Variants in CABIN1 observed in about 807,000 individuals in gnomAD.
The protein encoded by CABIN1 is calcineurin-binding protein cabin-1.
A neutral mutation model predicts 227.7 loss-of-function variants in CABIN1; 133 were observed. That is an observed-to-expected ratio of 0.58 (90% confidence interval 0.51 to 0.67). CABIN1 has a LOEUF of 0.67. CABIN1 is among the 30% of genes least tolerant of loss of function. CABIN1 has a pLI of 0.00. For missense variants in CABIN1, 2,408 were observed against 2,852.5 expected, an observed-to-expected ratio of 0.84 and a Z score of 3.55; for synonymous variants, 1,086 against 1,155.1, an observed-to-expected ratio of 0.94 and a Z score of 1.21.
intron 28 of CABIN1, among the ~76,000 whole-genome samples, chr22:24,131,394 G>GC (rs1289495110): frequency 2.6e-5 from 4 of 152,202 alleles, no homozygotes; most frequent in African/African-American, 9.7e-5. Flanking sequence ...GGAGTGGTCT[G>GC]CCACAGCATT....
At chr22:24,102,150 A>G (rs572204760) in intron 26 of CABIN1, 1 of 152,428 alleles carries the variant, frequency 6.6e-6, no homozygotes, top group East Asian at 1.9e-4. Flanking sequence ...GACACTAGGA[A>G]GGCCCTGTGG....
chr22:24,020,604 C>T (rs1433425937), intron 1 of CABIN1, among the ~76,000 whole-genome samples: 1 of 152,230 alleles, frequency 6.6e-6, no homozygotes. Flanking sequence ...TCATGAGCCA[C>T]CATGTCTGTC....
chr22:24,132,217 C>A (rs1330021257), intron 28 of CABIN1, among the ~76,000 whole-genome samples: 1 of 152,224 alleles, frequency 6.6e-6, no homozygotes, highest in Non-Finnish European at 1.5e-5. Flanking sequence ...TGGCTGAGCA[C>A]TGATGCAGGT....
rs528073328 is a variant in CABIN1, at chr22:24,091,730, G to A, written c.3673G>A (p.Val1225Ile). ...TGAGAAGCAGCAGCAGCCACCCACC[G>A]TTTACTTGCTGCACTACAGGCAGGC... ...VAEKQQQPPTVYLLHYRQAGH... is the reference protein window; with the variant it reads ...VAEKQQQPPTIYLLHYRQAGH... The change falls in exon 24 of 37, where the codon GTT becomes ATT. Residue 1225 changes from valine (V) to isoleucine (I), a missense_variant. Val to Ile is a conservative substitution (Grantham distance 29). Around this residue, in one of 3 missense-constraint regions of CABIN1, gnomAD observed 649 missense variants for 910.3 expected, o/e 0.71. Transcript: ENST00000263119. The A allele has an allele frequency of 2.2e-5, 35 of 1,614,136 alleles. No homozygotes were observed. The highest frequency in any genetic ancestry group is 8.9e-5 in the East Asian group (4 of 44,878).
At chr22:24,132,771 A>G (rs771886522) in intron 28 of CABIN1, among the ~76,000 whole-genome samples, 12 of 152,088 alleles carry the variant, frequency 7.9e-5, no homozygotes, top group Non-Finnish European at 1.5e-4. Flanking sequence ...TATTTTTAGT[A>G]GAGATGGGGC....
chr22:24,056,103 T>A lies in CABIN1; in HGVS notation c.1094-89T>A. ...GTCAAAGAGTTTAATGCTAGTAGAT[T>A]TATAAAAGAGGGAGATTGATGTGTC... On this transcript the variant is annotated intron_variant, in intron 9 of 36. Transcript: ENST00000263119. 4.4e-6 allele frequency: 5 copies of A among 1,132,822 alleles called. No homozygotes were observed. In the South Asian group the frequency reaches 5.1e-5, roughly 11 times the overall value. 70.2% of individuals were successfully genotyped at this position (1,132,822 alleles called of 1,614,324 possible). A position where few individuals can be genotyped will look rare whatever the true frequency, so the allele number is the denominator to read the frequency against.
chr22:24,176,576 C>T (rs1242423310), intron 35 of CABIN1, among the ~76,000 whole-genome samples: 1 of 152,152 alleles, frequency 6.6e-6, no homozygotes, highest in Non-Finnish European at 1.5e-5. Flanking sequence ...TGCTTGGGCC[C>T]ACTGCAGAAC....
At chr22:24,021,996 G>T (rs751407334) in intron 1 of CABIN1, among the ~76,000 whole-genome samples, 1 of 152,096 alleles carries the variant, frequency 6.6e-6, no homozygotes, top group Admixed American at 6.5e-5. Context: ...GCATATTCTT[G>T]ACTGTCATAT....
chr22:24,118,404 C>G (rs1040424429), intron 27 of CABIN1, among the ~76,000 whole-genome samples: 6 of 152,168 alleles, frequency 3.9e-5, no homozygotes, highest in Admixed American at 6.5e-5. Context: ...ATGCGGAGAA[C>G]TGGGGGCCTT....
intron 34 of CABIN1, among the ~76,000 whole-genome samples, chr22:24,172,725 A>G (rs1297320555): frequency 6.6e-6 from 1 of 152,182 alleles, no homozygotes; most frequent in Non-Finnish European, 1.5e-5. Context: ...GGGGATGTAG[A>G]GGCAGCGCTG....
chr22:24,024,511 G>T (rs1417817014), intron 1 of CABIN1, among the ~76,000 whole-genome samples: 2 of 152,142 alleles, frequency 1.3e-5, no homozygotes, highest in Non-Finnish European at 2.9e-5. Flanking sequence ...CTTTGAATGT[G>T]TACTTCTTAG....
At chr22:24,147,160 G>T (rs1343093634) in intron 29 of CABIN1, among the ~76,000 whole-genome samples, 1 of 152,174 alleles carries the variant, frequency 6.6e-6, no homozygotes, top group Non-Finnish European at 1.5e-5. Flanking sequence ...GCATTTTTCA[G>T]CATGAACTTC....
In CABIN1 at chr22:24,083,364, A is replaced by G; in HGVS notation, c.2885A>G (p.Tyr962Cys). 6.2e-7 allele frequency: 1 copy of G among 1,613,996 alleles called. No homozygotes were observed. The highest frequency in any genetic ancestry group is 8.5e-7 in the Non-Finnish European group (1 of 1,180,032). Residue 962 changes from tyrosine (Y) to cysteine (C), a missense_variant, in exon 20 of 37, where the codon TAC (tyrosine) becomes TGC (cysteine). Physicochemically the swap from Tyr to Cys is radical, Grantham distance 194. This residue lies in a region of CABIN1 where 649 missense variants were observed against 910.3 expected (regional missense o/e 0.71). Coordinates refer to ENST00000263119, the MANE Select transcript of CABIN1 (RefSeq NM_012295.4). ...SFPSKKSKARYLEEHSAQQVD... is the reference protein window; with the variant it reads ...SFPSKKSKARCLEEHSAQQVD... ...CCCAGCAAGAAGAGTAAGGCCAGGT[A>G]CCTGGAGGAACACTCGGCCCAGCAG... is the stretch of plus-strand genomic sequence containing the variant.
At chr22:24,037,237 G>C (rs1468789552) in intron 3 of CABIN1, among the ~76,000 whole-genome samples, 1 of 147,320 alleles carries the variant, frequency 6.8e-6, no homozygotes, top group African/African-American at 2.5e-5. Flanking sequence ...TCCAGCCTGG[G>C]CGACAGAGTG....
intron 27 of CABIN1, among the ~76,000 whole-genome samples, chr22:24,118,903 C>T (rs1438213972): frequency 6.6e-6 from 1 of 152,200 alleles, no homozygotes; most frequent in Non-Finnish European, 1.5e-5. Flanking sequence ...CAGCGGCAAC[C>T]CTGGAGAGGG....
intron 1 of CABIN1, among the ~76,000 whole-genome samples, chr22:24,015,417 T>C (rs577801153): frequency 1.7e-4 from 26 of 149,786 alleles, no homozygotes; most frequent in Non-Finnish European, 3.6e-4. Context: ...CTATCTCGGC[T>C]CACTGCAAGC....
chr22:24,100,976 G>A (rs902741113), intron 26 of CABIN1, among the ~76,000 whole-genome samples: 1 of 152,182 alleles, frequency 6.6e-6, no homozygotes, highest in African/African-American at 2.4e-5. Flanking sequence ...CTGGGCTCTG[G>A]GGCCAGTCCC....
chr22:24,176,001 C>G, intron 34 of CABIN1, 110 bp from the exon 35 acceptor site: 1 of 1,290,628 alleles, frequency 7.7e-7, no homozygotes, highest in Non-Finnish European at 1.1e-6. Context: ...GCCACACTCC[C>G]CTGCCCAGTG....
chr22:24,173,507 G>A (rs2148796577), intron 34 of CABIN1: 1 of 152,316 alleles, frequency 6.6e-6, no homozygotes, highest in East Asian at 1.9e-4. Context: ...TCCCAGAGGA[G>A]CCTGTGAAGG....
Sources: allele counts gnomAD v4.1 joint callset (sites outside exome capture counted in the v4.1 genomes callset), GRCh38; gene constraint gnomAD v4.1.1; regional missense constraint gnomAD v4.1.1; transcripts MANE v1.5; gene names NCBI Gene and HGNC (gene_info 2026-07-23, HGNC 2026-07-21).